Variants in KIZ observed in about 807,000 individuals in gnomAD.
The protein encoded by KIZ is kizuna centrosomal protein.
Under a neutral mutation model 79.6 loss-of-function variants are expected in KIZ, and 68 were observed. That is an observed-to-expected ratio of 0.85 (90% CI 0.70 to 1.05). The LOEUF (loss-of-function observed/expected upper bound fraction) is 1.05. Ranked by LOEUF, KIZ falls within the 50% of genes least tolerant of loss-of-function variation. The pLI is 0.00. For missense variants in KIZ, 797 were observed against 800.4 expected (o/e 1.00, Z 0.05); for synonymous variants, 280 against 281.8 (o/e 0.99, Z 0.06).
At chr20:21,210,791 G>A in intron 7 of KIZ, among the ~76,000 whole-genome samples, 1 of 151,554 alleles carries the variant, frequency 6.6e-6, no homozygotes, top group East Asian at 1.9e-4. Context: ...AGCAATTTGA[G>A]AGATGAAAAT....
intron 5 of KIZ, 151 bp from the exon 6 acceptor site, chr20:21,162,699 A>G: frequency 1.2e-6 from 1 of 821,246 alleles, no homozygotes; most frequent in Non-Finnish European, 1.9e-6. Context: ...TTTTTTAAAC[A>G]TTTGAAAACG....
At chr20:21,215,020 C>T (rs1411030521) in intron 8 of KIZ, among the ~76,000 whole-genome samples, 1 of 152,096 alleles carries the variant, frequency 6.6e-6, no homozygotes, top group East Asian at 1.9e-4. Flanking sequence ...GAAGATGATT[C>T]CATAAAGTAC....
intron 7 of KIZ, among the ~76,000 whole-genome samples, chr20:21,213,201 G>A (rs147371102): frequency 1.2e-4 from 18 of 152,338 alleles, no homozygotes; most frequent in African/African-American, 3.4e-4. Flanking sequence ...GCCTTGAAGC[G>A]TCTGAAATGC....
chr20:21,136,406 G>A lies in KIZ; in HGVS notation c.169G>A (p.Val57Ile). ...SDTCRVKLKY[V>I]KLKNYLKEIC... ...ATTTTCTAGAGTTAAGCTGAAATAT[G>A]TAAAACTAAAGAATTATCTGAAGGA... Residue 57 changes from valine (V) to isoleucine (I), a missense_variant, in exon 3 of 13, where the codon GTA (valine) becomes ATA (isoleucine). Val to Ile is a conservative substitution (Grantham distance 29). Transcript: ENST00000619189. 6.5e-7 allele frequency: 1 copy of A among 1,534,522 alleles called. No individual in the cohort carries two copies. Among genetic ancestry groups the A allele is most frequent in the Non-Finnish European group, 8.9e-7 (1 of 1,127,162 alleles).
At chr20:21,201,443 G>A (rs747437531) in intron 6 of KIZ, among the ~76,000 whole-genome samples, 22 of 152,040 alleles carry the variant, frequency 1.4e-4, no homozygotes, top group South Asian at 4.1e-4. Flanking sequence ...TTTCAGATAC[G>A]TTTCCCAATT....
chr20:21,223,469 A>G (rs1459242367), intron 9 of KIZ, among the ~76,000 whole-genome samples: 2 of 152,162 alleles, frequency 1.3e-5, no homozygotes, highest in African/African-American at 4.8e-5. Flanking sequence ...AACCTTGACA[A>G]TGGAATTTGC....
At chr20:21,242,031 C>T (rs576946170) in intron 11 of KIZ, among the ~76,000 whole-genome samples, 1 of 152,114 alleles carries the variant, frequency 6.6e-6, no homozygotes, top group Non-Finnish European at 1.5e-5. Context: ...TAGTGAAGTT[C>T]GCTTGTTCAT....
chr20:21,236,247 A>G (rs1316674919), intron 11 of KIZ, among the ~76,000 whole-genome samples: 1 of 152,220 alleles, frequency 6.6e-6, no homozygotes, highest in Non-Finnish European at 1.5e-5. Context: ...GACTTTGTTA[A>G]ATTACTGGTA....
chr20:21,162,751 G>C (rs2033737259), intron 5 of KIZ, 99 bp from the exon 6 acceptor site: 8 of 944,614 alleles, frequency 8.5e-6, no homozygotes, highest in African/African-American at 1.7e-5. Context: ...TGTGTGGGTT[G>C]CTTCTCCATG....
chr20:21,214,513 T>A, intron 7 of KIZ, 22 bp from the exon 8 acceptor site: 1 of 1,578,608 alleles, frequency 6.3e-7, no homozygotes, highest in Non-Finnish European at 8.7e-7. Context: ...TATTTCTTTG[T>A]GCTTTTTTTG....
rs991548623 is a variant in KIZ, at chr20:21,246,565, T to C, written c.2011T>C (p.Phe671Leu). Residue 671 changes from phenylalanine to leucine, a missense_variant, in exon 13 of 13, where the codon TTT becomes CTT. Transcript: ENST00000619189. Reference sequence around the variant, plus strand: ...CCATAACACCGATGATTCTGATGATTTTTATGACTAACGTGCTGTGACATT... The same window carrying C: ...CCATAACACCGATGATTCTGATGATCTTTATGACTAACGTGCTGTGACATT... ...RNHNTDDSDDFYD is the reference protein window; with the variant it reads ...RNHNTDDSDDLYD The C allele has an allele frequency of 6.2e-7, 1 of 1,600,442 alleles. No individual in the cohort carries two copies.
intron 9 of KIZ, among the ~76,000 whole-genome samples, chr20:21,224,046 T>G (rs1380587053): frequency 6.6e-6 from 1 of 151,974 alleles, no homozygotes; most frequent in Admixed American, 6.6e-5. Context: ...CAGGCTGGAG[T>G]GCAATGGCGC....
chr20:21,157,492 A>G (rs1483642540), intron 4 of KIZ, among the ~76,000 whole-genome samples: 2 of 152,062 alleles, frequency 1.3e-5, no homozygotes, highest in African/African-American at 4.8e-5. Context: ...TGGGAAATAA[A>G]CCTCTGCTAA....
At chr20:21,176,131 A>G (rs1600458422) in intron 6 of KIZ, among the ~76,000 whole-genome samples, 1 of 152,104 alleles carries the variant, frequency 6.6e-6, no homozygotes, top group African/African-American at 2.4e-5. Context: ...CCAACAGTGC[A>G]AAACCCTGTC....
rs763100442 is a variant in KIZ, at chr20:21,162,240, C to T, written c.775C>T (p.Arg259Cys). ...TTGCTTGGAGATAGGAAGTAACACA[C>T]GTCATGGCAAGAGTAATTTATCTGA... ...THCLEIGSNT[R>C]HGKSNLSEGK... The change falls in exon 5 of 13, where the codon CGT becomes TGT. Residue 259 changes from arginine (R) to cysteine (C), a missense_variant. By Grantham distance (180) the Arg-to-Cys change is radical (BLOSUM62 -3). Transcript: ENST00000619189. 17 of 1,613,784 alleles carry T rather than the reference C, an allele frequency of 1.1e-5. No individual in the cohort carries two copies. The highest frequency in any genetic ancestry group is 8.9e-5 in the East Asian group (4 of 44,902).
chr20:21,190,381 CG>C (rs1364324040), intron 6 of KIZ, among the ~76,000 whole-genome samples: 1 of 152,222 alleles, frequency 6.6e-6, no homozygotes, highest in East Asian at 1.9e-4. Flanking sequence ...AAAGGATTAG[CG>C]CTAGCCAATT....
intron 9 of KIZ, among the ~76,000 whole-genome samples, chr20:21,219,809 T>A (rs1184909986): frequency 6.6e-6 from 1 of 152,210 alleles, no homozygotes; most frequent in African/African-American, 2.4e-5. Context: ...CTGGGGCTCC[T>A]CCTTAAAGAG....
intron 6 of KIZ, among the ~76,000 whole-genome samples, chr20:21,165,340 C>G (rs1460412838): frequency 6.6e-6 from 1 of 151,466 alleles, no homozygotes; most frequent in South Asian, 2.1e-4. Context: ...AGAAGGAATG[C>G]GGAGCAGAGA....
In KIZ at chr20:21,234,217, A is replaced by G. The variant is rs548515950; in HGVS notation, c.1880+1387A>G. 1.1e-4 allele frequency among the ~76,000 whole-genome samples: 17 copies of G among 152,282 alleles called. No homozygotes were observed. The East Asian group carries it at 3.3e-3, about 29-fold the overall frequency. ...AGTCTAATAATTTCACATCTTGTCT[A>G]TATTTTACTAAACTAAAATCAAGCA... is the stretch of plus-strand genomic sequence containing the variant. On this transcript the variant is annotated intron_variant, in intron 11 of 12. Coordinates refer to ENST00000619189, the MANE Select transcript of KIZ (RefSeq NM_018474.6).
Sources: allele counts gnomAD v4.1 joint callset (sites outside exome capture counted in the v4.1 genomes callset), GRCh38; gene constraint gnomAD v4.1.1; transcripts MANE v1.5; gene names NCBI Gene and HGNC (gene_info 2026-07-23, HGNC 2026-07-21).